The following ZZZ3 variants were observed in gnomAD, a reference collection of about 807,000 sequenced individuals.
The protein encoded by ZZZ3 is ZZ-type zinc finger-containing protein 3.
A neutral mutation model predicts 95.2 loss-of-function variants in ZZZ3; 22 were observed. The observed-to-expected ratio is 0.23, with a 90% CI of 0.17 to 0.33. ZZZ3 has a LOEUF of 0.33. Among genes scored for constraint, ZZZ3 ranks in the 10% least tolerant of loss-of-function variants. The pLI is 1.00. For missense variants in ZZZ3, 885 were observed against 1,066.5 expected (o/e 0.83, Z 2.37); for synonymous variants, 335 against 358.9 (o/e 0.93, Z 0.75).
intron 5 of ZZZ3, among the ~76,000 whole-genome samples, chr1:77,616,336 T>A (rs762976500): frequency 3.3e-5 from 5 of 152,220 alleles, no homozygotes; most frequent in African/African-American, 4.8e-5. Flanking sequence ...ACCATTTGCT[T>A]AAAAGCAACC....
intron 5 of ZZZ3, among the ~76,000 whole-genome samples, chr1:77,585,592 A>T (rs1663004551): frequency 6.6e-6 from 1 of 152,224 alleles, no homozygotes. Context: ...CAATTTTTCT[A>T]TATGGCTTCA....
At chr1:77,599,676 T>G (rs1440225407) in intron 5 of ZZZ3, among the ~76,000 whole-genome samples, 2 of 152,048 alleles carry the variant, frequency 1.3e-5, no homozygotes, top group Non-Finnish European at 2.9e-5. Flanking sequence ...ATTAGTCTGT[T>G]TAACAACTCT....
At chr1:77,599,648 A>G (rs1664544243) in intron 5 of ZZZ3, among the ~76,000 whole-genome samples, 1 of 152,078 alleles carries the variant, frequency 6.6e-6, no homozygotes, top group Non-Finnish European at 1.5e-5. Context: ...TTTTAAATAC[A>G]GCAGAACGAG....
intron 5 of ZZZ3, among the ~76,000 whole-genome samples, chr1:77,597,109 T>G (rs1664287766): frequency 6.6e-6 from 1 of 152,012 alleles, no homozygotes. Flanking sequence ...GTCAAGTATT[T>G]TATAGTGTCA....
At chr1:77,680,086 T>C (rs1446923710) in intron 1 of ZZZ3, among the ~76,000 whole-genome samples, 1 of 152,226 alleles carries the variant, frequency 6.6e-6, no homozygotes, top group Non-Finnish European at 1.5e-5. Context: ...ATTTTCACAA[T>C]TTCCCACTTC....
At chr1:77,567,609 C>A (rs541484648) in intron 13 of ZZZ3, among the ~76,000 whole-genome samples, 8 of 152,312 alleles carry the variant, frequency 5.3e-5, no homozygotes, top group African/African-American at 1.9e-4. Context: ...TGTACTCTAG[C>A]CACGCTCAAC....
chr1:77,662,328 G>C (rs1670872016), intron 1 of ZZZ3, among the ~76,000 whole-genome samples: 2 of 151,536 alleles, frequency 1.3e-5, no homozygotes, highest in Non-Finnish European at 2.9e-5. Context: ...TTTTTTTGTA[G>C]AGACAAGTTC....
At chr1:77,635,400 A>C (rs1668204122) in intron 4 of ZZZ3, among the ~76,000 whole-genome samples, 1 of 152,212 alleles carries the variant, frequency 6.6e-6, no homozygotes, top group Non-Finnish European at 1.5e-5. Context: ...CAAGACACAA[A>C]TCAGAACTTA....
intron 1 of ZZZ3, among the ~76,000 whole-genome samples, chr1:77,658,194 A>C (rs1018216309): frequency 1.3e-5 from 2 of 151,728 alleles, no homozygotes; most frequent in East Asian, 1.9e-4. Flanking sequence ...AAAAAAAAAA[A>C]AAAAAAAACA....
At chr1:77,593,972 G>C (rs1439471663) in intron 5 of ZZZ3, among the ~76,000 whole-genome samples, 1 of 152,020 alleles carries the variant, frequency 6.6e-6, no homozygotes, top group African/African-American at 2.4e-5. Flanking sequence ...AAACATTCAA[G>C]GATCCTAAGA....
chr1:77,584,574 C>T lies in ZZZ3; in HGVS notation c.1587G>A (p.Arg529=). ...QAVQDLESLG[R]HQREALKNPI... is the part of the protein sequence containing the mutation. ...GATTTTTCAGTGCTTCTCTCTGGTG[C>T]CTGCCTAAACTTTCAAGGTCTTGGA... is the stretch of plus-strand genomic sequence containing the variant. The change falls in exon 6 of 15, where the codon AGG becomes AGA. Residue 529 remains arginine (R), a synonymous_variant. Transcript: ENST00000370801. 6.2e-7 allele frequency: 1 copy of T among 1,613,300 alleles called. No homozygotes were observed. The highest frequency in any genetic ancestry group is 8.5e-7 in the Non-Finnish European group (1 of 1,179,718).
chr1:77,633,292 T>G lies in ZZZ3; in HGVS notation c.63A>C (p.Glu21Asp). Residue 21 changes from glutamate (E) to aspartate (D), a missense_variant, in exon 5 of 15, where the codon GAA becomes GAC. Coordinates refer to ENST00000370801, the MANE Select transcript of ZZZ3 (RefSeq NM_015534.6). Reference sequence around the variant, plus strand: ...TCCTTAAAGTTCTACCACAAAAAGATTCATCCAAGCCGTTTAACCCCACTG... The same window carrying G: ...TCCTTAAAGTTCTACCACAAAAAGAGTCATCCAAGCCGTTTAACCCCACTG... ...RSTVGLNGLDESFCGRTLRNR... is the reference protein window; with the variant it reads ...RSTVGLNGLDDSFCGRTLRNR... 1 of 1,613,948 alleles carries G rather than the reference T, an allele frequency of 6.2e-7. No homozygotes were observed. The highest frequency in any genetic ancestry group is 8.5e-7 in the Non-Finnish European group (1 of 1,179,936).
At chr1:77,578,670 G>T in intron 11 of ZZZ3, 104 bp downstream of exon 11, 1 of 647,376 alleles carries the variant, frequency 1.5e-6, no homozygotes, top group Non-Finnish European at 2.3e-6. Flanking sequence ...ATGAACAGAA[G>T]TTTTAAAATA....
Position 77,564,439 on chromosome 1 carries a change from G to A in ZZZ3, c.*1201C>T, listed in dbSNP as rs1461037710. 6.6e-6 allele frequency: 1 copy of A among 152,138 alleles called. No homozygotes were observed. The highest frequency in any genetic ancestry group is 2.4e-5 in the African/African-American group (1 of 41,328). The allele number at this position is 152,138 out of a possible 1,614,324, so 9.4% of individuals were successfully genotyped here. A position where few individuals can be genotyped will look rare whatever the true frequency, so the allele number is the denominator to read the frequency against. ...ACCATTTTAAAAAATACCAATTTCT[G>A]GTTTTAACACTGGTAAAAAAAAAAA... On this transcript the variant is annotated 3_prime_UTR_variant, in exon 15 of 15. Transcript: ENST00000370801.
intron 12 of ZZZ3, among the ~76,000 whole-genome samples, chr1:77,571,558 A>C (rs1661384765): frequency 1.3e-5 from 2 of 152,250 alleles, no homozygotes; most frequent in South Asian, 4.1e-4. Context: ...TGAATGGATA[A>C]ACAAAATGTG....
chr1:77,591,454 A>G (rs911580383), intron 5 of ZZZ3, among the ~76,000 whole-genome samples: 2 of 151,944 alleles, frequency 1.3e-5, no homozygotes, highest in African/African-American at 4.8e-5. Flanking sequence ...TTGTCCTCCC[A>G]CCCCAGCCTC....
intron 5 of ZZZ3, among the ~76,000 whole-genome samples, chr1:77,620,758 C>T (rs929609586): frequency 6.6e-6 from 1 of 152,164 alleles, no homozygotes; most frequent in African/African-American, 2.4e-5. Context: ...ACTAAATGGT[C>T]TGATACTCAA....
chr1:77,618,535 G>A (rs1381417693), intron 5 of ZZZ3, among the ~76,000 whole-genome samples: 1 of 152,128 alleles, frequency 6.6e-6, no homozygotes, highest in Non-Finnish European at 1.5e-5. Context: ...AAGCAGTGGT[G>A]AGAGAGTATA....
chr1:77,598,792 A>G (rs1301957269), intron 5 of ZZZ3, among the ~76,000 whole-genome samples: 1 of 152,152 alleles, frequency 6.6e-6, no homozygotes, highest in East Asian at 1.9e-4. Context: ...TATTATCTCT[A>G]TTTTACTTAA....
Sources: gnomAD v4.1 joint callset for allele counts (sites outside exome capture counted in the v4.1 genomes callset) on GRCh38, gnomAD v4.1.1 for gene constraint, MANE v1.5 for transcripts, NCBI Gene and HGNC (gene_info 2026-07-23, HGNC 2026-07-21) for gene names.